Variants in KLF12 observed in about 807,000 individuals in gnomAD.
KLF12 encodes the protein KLF transcription factor 12.
Under a neutral mutation model 37.8 loss-of-function variants are expected in KLF12, and 9 were observed. The observed-to-expected ratio is 0.24, with a 90% confidence interval of 0.14 to 0.42. The LOEUF is 0.42. Ranked by LOEUF, KLF12 falls within the 10% of genes least tolerant of loss-of-function variation. The probability of loss-of-function intolerance (pLI) is 1.00; values close to 1 mark genes in which losing one functional copy is unlikely to be tolerated. For synonymous variants in KLF12, 208 were observed against 202.1 expected, an observed-to-expected ratio of 1.03 and a Z score of -0.25; for missense variants, 411 against 516.0, an observed-to-expected ratio of 0.80 and a Z score of 1.97.
In KLF12 at chr13:73,694,094, G is replaced by A. The variant is rs1873972532; in HGVS notation, c.*1396C>T. ...CAGTTTAGAAAATGAAATCGGTATA[G>A]AAGAACCTATTGGAGAGTCACTTAT... On this transcript the variant is annotated 3_prime_UTR_variant, in exon 8 of 8. Transcript: ENST00000377669. The A allele has an allele frequency of 6.6e-6, 1 of 152,570 alleles. No individual in the cohort carries two copies. Among genetic ancestry groups the A allele is most frequent in the Admixed American group, 6.5e-5 (1 of 15,270 alleles). The allele number at this position is 152,570 out of a possible 1,614,324, so 9.5% of individuals were successfully genotyped here.
At chr13:74,300,077 A>G in the KLF12 span, among the ~76,000 whole-genome samples, 1 of 152,194 alleles carries the variant, frequency 6.6e-6, no homozygotes, top group Admixed American at 6.5e-5. Context: ...ATCACCTTTT[A>G]TCCTATGAGA....
At chr13:74,109,384 G>A (rs190941651) in intron 1 of KLF12, among the ~76,000 whole-genome samples, 1 of 151,986 alleles carries the variant, frequency 6.6e-6, no homozygotes, top group African/African-American at 2.4e-5. Context: ...GGGAGCACTG[G>A]GGGGAGTAAG....
At chr13:74,296,713 C>A in the KLF12 span, among the ~76,000 whole-genome samples, 1 of 152,144 alleles carries the variant, frequency 6.6e-6, no homozygotes, top group Non-Finnish European at 1.5e-5. Flanking sequence ...CACAGGAGAT[C>A]CTTACACAGA....
At chr13:74,288,679 T>TA in the KLF12 span, among the ~76,000 whole-genome samples, 1 of 152,192 alleles carries the variant, frequency 6.6e-6, no homozygotes, top group African/African-American at 2.4e-5. Flanking sequence ...CTGGTGGGTT[T>TA]CAGCGGCATA....
chr13:73,980,605 A>G (rs942835757), intron 2 of KLF12, among the ~76,000 whole-genome samples: 1 of 152,244 alleles, frequency 6.6e-6, no homozygotes. Context: ...TATACATTTA[A>G]TCAATCCTGA....
chr13:74,087,680 T>A (rs1593888992), intron 1 of KLF12, among the ~76,000 whole-genome samples: 1 of 152,228 alleles, frequency 6.6e-6, no homozygotes, highest in Non-Finnish European at 1.5e-5. Flanking sequence ...ATTCCAAGCA[T>A]GTCACTTAAA....
At chr13:73,821,711 C>T (rs539326229) in intron 4 of KLF12, among the ~76,000 whole-genome samples, 16 of 152,208 alleles carry the variant, frequency 1.1e-4, no homozygotes, top group South Asian at 2.1e-4. Context: ...GTTCAGCAGC[C>T]CTCCGCATCC....
chr13:74,090,668 A>G (rs967054295), intron 1 of KLF12, among the ~76,000 whole-genome samples: 3 of 152,088 alleles, frequency 2.0e-5, no homozygotes, highest in Non-Finnish European at 4.4e-5. Context: ...GTATCTCTTG[A>G]GGTCTGTCGC....
At chr13:73,973,617 CAGAA>C (rs1179592544) in intron 2 of KLF12, among the ~76,000 whole-genome samples, 2 of 85,670 alleles carry the variant, frequency 2.3e-5, no homozygotes, top group Non-Finnish European at 4.8e-5. Flanking sequence ...TATGAAAAGG[CAGAA>C]AGAAAGATTA....
chr13:74,278,756 C>A, the KLF12 span, among the ~76,000 whole-genome samples: 1 of 152,098 alleles, frequency 6.6e-6, no homozygotes, highest in Non-Finnish European at 1.5e-5. Flanking sequence ...TAATTTTCTG[C>A]CATGGGATAT....
the KLF12 span, among the ~76,000 whole-genome samples, chr13:74,147,408 T>C: frequency 6.6e-6 from 1 of 152,226 alleles, no homozygotes; most frequent in African/African-American, 2.4e-5. Flanking sequence ...AACATCTTTC[T>C]TCAACCCTCC....
At position 73,790,588 on chromosome 13, in the gene KLF12, T is replaced by C. The variant is rs532579916; in HGVS notation, c.806+22564A>G. 5.9e-5 allele frequency among the ~76,000 whole-genome samples: 9 copies of C among 152,374 alleles called. No homozygotes were observed. In the South Asian group the frequency reaches 1.9e-3, roughly 32 times the overall value. On this transcript the variant is annotated intron_variant, in intron 5 of 7. Coordinates refer to ENST00000377669, the MANE Select transcript of KLF12 (RefSeq NM_007249.5). ...AAATAAAGTTATGCATATAATTTTA[T>C]GTTGCATTCTATCTGCTGCATGCAG...
At chr13:74,083,491 GAGACACACACACACAC>G (rs1465761286) in intron 1 of KLF12, among the ~76,000 whole-genome samples, 2 of 117,554 alleles carry the variant, frequency 1.7e-5, no homozygotes, top group African/African-American at 7.2e-5. Flanking sequence ...TGGGCGATAG[GAGACACACACACACAC>G]ACACACACAC....
intron 1 of KLF12, among the ~76,000 whole-genome samples, chr13:74,119,129 T>A (rs1005078890): frequency 6.6e-6 from 1 of 151,974 alleles, no homozygotes; most frequent in Non-Finnish European, 1.5e-5. Flanking sequence ...GGCCAAGTGT[T>A]CAAGACCCAC....
chr13:74,206,245 G>A, the KLF12 span, among the ~76,000 whole-genome samples: 13 of 152,184 alleles, frequency 8.5e-5, no homozygotes, highest in South Asian at 2.1e-4. Context: ...TTTATAGAAC[G>A]TATTTTATAA....
chr13:74,078,550 TTAAA>T (rs1299282091), intron 1 of KLF12, among the ~76,000 whole-genome samples: 29 of 152,216 alleles, frequency 1.9e-4, no homozygotes, highest in Non-Finnish European at 3.4e-4. Context: ...ACTTGTTATA[TTAAA>T]TTTCAAATTT....
At chr13:73,796,890 C>G (rs1276255941) in intron 5 of KLF12, among the ~76,000 whole-genome samples, 1 of 151,790 alleles carries the variant, frequency 6.6e-6, no homozygotes, top group African/African-American at 2.4e-5. Context: ...CAACAACATG[C>G]AAGAATCTCA....
chr13:74,249,499 T>C, the KLF12 span, among the ~76,000 whole-genome samples: 3 of 152,080 alleles, frequency 2.0e-5, no homozygotes, highest in African/African-American at 7.2e-5. Flanking sequence ...TCAGGGATTC[T>C]CACAAACATC....
At chr13:74,041,201 T>C (rs1893393969) in intron 1 of KLF12, among the ~76,000 whole-genome samples, 1 of 152,186 alleles carries the variant, frequency 6.6e-6, no homozygotes, top group African/African-American at 2.4e-5. Flanking sequence ...CTTCACATCC[T>C]AGCTTTAAAG....
Sources: allele counts gnomAD v4.1 joint callset (sites outside exome capture counted in the v4.1 genomes callset), GRCh38; gene constraint gnomAD v4.1.1; transcripts MANE v1.5; gene names NCBI Gene and HGNC (gene_info 2026-07-23, HGNC 2026-07-21).